CMSS1: variants seen among roughly 807,000 people sequenced by gnomAD.
CMSS1 encodes the protein protein CMSS1.
CMSS1 carries 33 observed loss-of-function variants against 43.5 expected under a neutral mutation model. That is an observed-to-expected ratio of 0.76 (90% CI 0.57 to 1.01). The LOEUF (loss-of-function observed/expected upper bound fraction) is 1.01, where lower values mean the gene tolerates loss of function less well. CMSS1 is among the 50% of genes least tolerant of loss of function. The pLI, the probability that CMSS1 is intolerant of heterozygous loss-of-function variation, is 0.00. For synonymous variants in CMSS1, 115 were observed against 117.2 expected (o/e 0.98, Z 0.12); for missense variants, 313 against 326.4 (o/e 0.96, Z 0.32).
intron 4 of CMSS1, 54 bp from the exon 5 acceptor site, chr3:100,166,281 G>T: frequency 8.5e-7 from 1 of 1,171,092 alleles, no homozygotes; most frequent in Non-Finnish European, 1.3e-6. Flanking sequence ...AATCTGTTTT[G>T]ATTGTGTGTG....
chr3:99,929,983 A>G, intron 1 of CMSS1: 1 of 1,614,006 alleles, frequency 6.2e-7, no homozygotes, highest in East Asian at 2.2e-5. Flanking sequence ...CAGCAAAGCC[A>G]GGTCCATTTT....
intron 1 of CMSS1, chr3:99,930,953 T>TA (rs1559693001): frequency 1.2e-6 from 2 of 1,613,718 alleles, no homozygotes; most frequent in East Asian, 4.5e-5. Flanking sequence ...TTGGAAACTG[T>TA]GGCCTTTAGT....
intron 6 of CMSS1, among the ~76,000 whole-genome samples, chr3:100,171,211 C>CTCTTTCCCTTCCTTCCTTCCT (rs2107531760): frequency 6.6e-6 from 1 of 152,062 alleles, no homozygotes; most frequent in East Asian, 1.9e-4. Flanking sequence ...TCTTTGCTTC[C>CTCTTTCCCTTCCTTCCTTCCT]TCTTTCCCTT....
intron 9 of CMSS1, among the ~76,000 whole-genome samples, chr3:100,177,082 T>A (rs2067153722): frequency 6.6e-6 from 1 of 152,158 alleles, no homozygotes; most frequent in Admixed American, 6.5e-5. Context: ...GGAAAAAAAA[T>A]GATTACCAGT....
intron 1 of CMSS1, among the ~76,000 whole-genome samples, chr3:99,931,776 G>A (rs1707490091): frequency 6.6e-6 from 1 of 152,096 alleles, no homozygotes; most frequent in Admixed American, 6.5e-5. Flanking sequence ...ATAAATTAAT[G>A]TTTAAAGGAC....
chr3:99,864,698 T>C (rs1677545879), intron 1 of CMSS1, among the ~76,000 whole-genome samples: 1 of 152,124 alleles, frequency 6.6e-6, no homozygotes, highest in African/African-American at 2.4e-5. Context: ...TCCTCTTTGC[T>C]CACTCTGCTC....
intron 1 of CMSS1, among the ~76,000 whole-genome samples, chr3:100,120,316 A>G (rs1014944997): frequency 2.0e-5 from 3 of 152,280 alleles, no homozygotes; most frequent in South Asian, 4.1e-4. Context: ...TTGTGTGCCC[A>G]TATTACTTTT....
At chr3:99,866,416 CACA>C (rs1944521204) in intron 1 of CMSS1, among the ~76,000 whole-genome samples, 1 of 151,904 alleles carries the variant, frequency 6.6e-6, no homozygotes, top group Non-Finnish European at 1.5e-5. Flanking sequence ...ATTTAGAAAC[CACA>C]ACAACAGATG....
chr3:100,112,906 T>G (rs1401788499), intron 1 of CMSS1, among the ~76,000 whole-genome samples: 1 of 152,234 alleles, frequency 6.6e-6, no homozygotes, highest in Non-Finnish European at 1.5e-5. Flanking sequence ...TATTTGGCTT[T>G]GGGAGATAGC....
intron 1 of CMSS1, among the ~76,000 whole-genome samples, chr3:100,111,774 C>T (rs940924315): frequency 1.3e-4 from 20 of 152,172 alleles, no homozygotes; most frequent in African/African-American, 4.6e-4. Flanking sequence ...TTTTGTCTAA[C>T]ATCTATAGCT....
intron 1 of CMSS1, chr3:99,929,848 G>A (rs1265986561): frequency 6.2e-7 from 1 of 1,607,790 alleles, no homozygotes; most frequent in Non-Finnish European, 8.5e-7. Context: ...CCCTATTGTG[G>A]TACATACCTC....
intron 1 of CMSS1, among the ~76,000 whole-genome samples, chr3:99,844,131 A>C (rs1184601595): frequency 6.6e-5 from 10 of 152,188 alleles, no homozygotes; most frequent in Non-Finnish European, 1.5e-4. Context: ...GCCACTACCC[A>C]GCACTGGGAG....
chr3:99,963,136 G>T (rs1344942474), intron 1 of CMSS1, among the ~76,000 whole-genome samples: 1 of 152,196 alleles, frequency 6.6e-6, no homozygotes, highest in Admixed American at 6.5e-5. Context: ...GGATAACAGT[G>T]CACCAGAGAA....
At chr3:99,850,688 G>A (rs1273784603) in intron 1 of CMSS1, 3 of 1,614,114 alleles carry the variant, frequency 1.9e-6, no homozygotes, top group Non-Finnish European at 2.5e-6. Flanking sequence ...TGCCGGCTGA[G>A]TGCTGCCAGC....
intron 1 of CMSS1, among the ~76,000 whole-genome samples, chr3:99,881,954 G>A (rs1177358020): frequency 1.3e-5 from 2 of 152,174 alleles, no homozygotes; most frequent in African/African-American, 4.8e-5. Context: ...AAGTACAATT[G>A]AACAAGTTTT....
At chr3:99,914,236 G>T (rs1706882857) in intron 1 of CMSS1, among the ~76,000 whole-genome samples, 1 of 152,200 alleles carries the variant, frequency 6.6e-6, no homozygotes, top group South Asian at 2.1e-4. Flanking sequence ...CTTGATATAG[G>T]ATATATGAAG....
chr3:99,827,546 A>G (rs1465868573), intron 1 of CMSS1, among the ~76,000 whole-genome samples: 2 of 152,090 alleles, frequency 1.3e-5, no homozygotes, highest in Non-Finnish European at 1.5e-5. Flanking sequence ...CTGCATTACC[A>G]TTTAAAGATG....
intron 1 of CMSS1, among the ~76,000 whole-genome samples, chr3:100,108,225 T>C (rs1163710994): frequency 6.6e-6 from 1 of 152,152 alleles, no homozygotes; most frequent in Non-Finnish European, 1.5e-5. Flanking sequence ...AACTAGGTCT[T>C]GTAGCATTTT....
At chr3:99,927,729 T>C (rs1349868742) in intron 1 of CMSS1, among the ~76,000 whole-genome samples, 4 of 152,174 alleles carry the variant, frequency 2.6e-5, no homozygotes, top group African/African-American at 9.6e-5. Context: ...TTAATTTTTT[T>C]TTAAAATTAA....
Sources: gnomAD v4.1 joint callset for allele counts (sites outside exome capture counted in the v4.1 genomes callset) on GRCh38, gnomAD v4.1.1 for gene constraint, MANE v1.5 for transcripts, NCBI Gene and HGNC (gene_info 2026-07-23, HGNC 2026-07-21) for gene names.